TRAF7: variants seen among roughly 807,000 people sequenced by gnomAD.
TRAF7 encodes TNF receptor associated factor 7, also known as E3 ubiquitin-protein ligase TRAF7.
Under a neutral mutation model 89.3 loss-of-function variants are expected in TRAF7, and 45 were observed. The observed-to-expected ratio is 0.50, with a 90% CI of 0.40 to 0.65. The LOEUF (loss-of-function observed/expected upper bound fraction) is 0.65. TRAF7 is among the 30% of genes least tolerant of loss of function. The pLI is 0.00. For synonymous variants in TRAF7, 406 were observed against 369.2 expected (o/e 1.10, Z -1.14); for missense variants, 677 against 918.1 (o/e 0.74, Z 3.39).
At chr16:2,166,743 C>T (rs1440735909) in intron 3 of TRAF7, among the ~76,000 whole-genome samples, 4 of 152,236 alleles carry the variant, frequency 2.6e-5, no homozygotes, top group South Asian at 2.1e-4. Context: ...GCGGGATACA[C>T]GACAGAAACC....
At chr16:2,175,734 G>T in intron 17 of TRAF7, 100 bp from the exon 18 acceptor site, 1 of 1,589,030 alleles carries the variant, frequency 6.3e-7, no homozygotes, top group Non-Finnish European at 8.6e-7. Context: ...TCCCCTGGCT[G>T]GGTGGGTGGG....
chr16:2,169,414 GCCA>G (rs2093099346), intron 4 of TRAF7, among the ~76,000 whole-genome samples: 1 of 152,178 alleles, frequency 6.6e-6, no homozygotes, highest in Non-Finnish European at 1.5e-5. Flanking sequence ...ACAACCCGAA[GCCA>G]CGAGTCCTCC....
chr16:2,164,139 GGTGTGTGTGTGT>G (rs376580813), intron 2 of TRAF7, 138 bp downstream of exon 2: 5 of 544,386 alleles, frequency 9.2e-6, no homozygotes, highest in Admixed American at 6.9e-5. Flanking sequence ...GGGGGGGTGT[GGTGTGTGTGTGT>G]GTGTGTGTGC....
intron 1 of TRAF7, among the ~76,000 whole-genome samples, chr16:2,160,683 AAG>A (rs2093054994): frequency 1.3e-5 from 2 of 151,980 alleles, no homozygotes; most frequent in Admixed American, 1.3e-4. Context: ...CCGGTTTGGG[AAG>A]AGTCTCTCAT....
intron 3 of TRAF7, 134 bp downstream of exon 3, chr16:2,166,070 C>T: frequency 9.1e-7 from 1 of 1,095,608 alleles, no homozygotes; most frequent in Non-Finnish European, 1.3e-6. Flanking sequence ...CAGCCTCACA[C>T]CGCAGCCTGT....
chr16:2,163,798 AG>A lies in TRAF7; in HGVS notation c.-38-83del. 1.1e-6 allele frequency: 1 copy of A among 883,740 alleles called. No homozygotes were observed. The highest frequency in any genetic ancestry group is 1.8e-6 in the Non-Finnish European group (1 of 548,102). 54.7% of individuals were successfully genotyped at this position (883,740 alleles called of 1,614,324 possible). ...CGGCGGCCCCACGGTGCCCCACAGCAGGTCTGCACACTTGCAGCAGCCCGTC... is the reference window on the plus strand; with the variant it reads ...CGGCGGCCCCACGGTGCCCCACAGCAGTCTGCACACTTGCAGCAGCCCGTC... On this transcript the variant is annotated intron_variant, in intron 1 of 20. Transcript: ENST00000326181. This position sits in a 1 kb window ranked among gnomAD's most constrained non-coding sequence, Gnocchi z 4.3.
In TRAF7 at chr16:2,171,281, G is replaced by C; in HGVS notation, c.366G>C (p.Ala122=). The C allele has an allele frequency of 6.4e-7, 1 of 1,551,952 alleles. No homozygotes were observed. Among genetic ancestry groups the C allele is most frequent in the East Asian group, 2.4e-5 (1 of 41,616 alleles). The change falls in exon 6 of 21, where the codon GCG becomes GCC. Residue 122 remains alanine (A), a synonymous_variant. Coordinates refer to ENST00000326181, the MANE Select transcript of TRAF7 (RefSeq NM_032271.3). ...EEEEPEPLVF[A]EQPSVKLCCQ... Reference sequence around the variant, plus strand: ...GGTTCCAGGAGCCACTGGTGTTTGCGGAGCAGCCCTCGGTGAAGCTGTGCT... The same window carrying C: ...GGTTCCAGGAGCCACTGGTGTTTGCCGAGCAGCCCTCGGTGAAGCTGTGCT...
At chr16:2,169,457 T>TC (rs2093099441) in intron 4 of TRAF7, among the ~76,000 whole-genome samples, 2 of 151,952 alleles carry the variant, frequency 1.3e-5, no homozygotes, top group Admixed American at 6.6e-5. Flanking sequence ...TCACCTGCTA[T>TC]CCCCATGGGT....
At chr16:2,168,000 G>T in intron 3 of TRAF7, 77 bp from the exon 4 acceptor site, 2 of 1,388,312 alleles carry the variant, frequency 1.4e-6, no homozygotes, top group Non-Finnish European at 2.0e-6. Context: ...ACAGGGTCGG[G>T]TATCCAGCAT....
intron 12 of TRAF7, 34 bp downstream of exon 12, chr16:2,173,870 C>CCCCCCCCCGG: frequency 6.2e-7 from 1 of 1,606,156 alleles, no homozygotes; most frequent in Non-Finnish European, 8.5e-7. Flanking sequence ...CCCGCCCACC[C>CCCCCCCCCGG]TCCCCCCCGG....
Position 2,173,298 on chromosome 16 carries a change from C to T in TRAF7, c.911C>T (p.Ala304Val). The change falls in exon 10 of 21, where the codon GCT becomes GTT. Residue 304 changes from alanine (A) to valine (V), a missense_variant. By Grantham distance (64) the Ala-to-Val change is moderately conservative. Around this residue, in one of 6 missense-constraint regions of TRAF7, gnomAD observed 238 missense variants for 352.6 expected, o/e 0.67. Transcript: ENST00000326181. Reference sequence around the variant, plus strand: ...GACCGCTTCCACGAGATGCACGTGGCTCTGGCCCAGAAGGACCAGGAGATC... The same window carrying T: ...GACCGCTTCCACGAGATGCACGTGGTTCTGGCCCAGAAGGACCAGGAGATC... ...TDDRFHEMHV[A>V]LAQKDQEIAF... The T allele has an allele frequency of 6.2e-7, 1 of 1,613,626 alleles. No homozygotes were observed. The highest frequency in any genetic ancestry group is 1.1e-5 in the South Asian group (1 of 91,084).
intron 3 of TRAF7, among the ~76,000 whole-genome samples, chr16:2,166,281 T>C (rs978088247): frequency 3.9e-5 from 6 of 152,166 alleles, no homozygotes; most frequent in Non-Finnish European, 7.3e-5. Context: ...AGTCTCAGGC[T>C]CCTGGCCAGC....
At position 2,158,158 on chromosome 16, in the gene TRAF7, C is replaced by G. The variant is rs1328707554; in HGVS notation, c.-39+2300C>G. On this transcript the variant is annotated intron_variant, in intron 1 of 20. Coordinates refer to ENST00000326181, the MANE Select transcript of TRAF7 (RefSeq NM_032271.3). This position sits in a 1 kb window ranked among gnomAD's most constrained non-coding sequence, Gnocchi z 4.7. ...GTCAGGGAGGGCATGTGGGGAGGGC[C>G]GAGAGCTGTTGGCTGCGTGTGTCTC... Among the ~76,000 whole-genome samples, 1 of 152,198 alleles carries G rather than the reference C, an allele frequency of 6.6e-6. No individual in the cohort carries two copies. Among genetic ancestry groups the G allele is most frequent in the South Asian group, 2.1e-4 (1 of 4,814 alleles).
At chr16:2,173,675 G>A in intron 11 of TRAF7, 113 bp from the exon 12 acceptor site, 1 of 1,573,238 alleles carries the variant, frequency 6.4e-7, no homozygotes, top group Non-Finnish European at 8.7e-7. Flanking sequence ...TGTGTGGCAG[G>A]GGCTGCTGTC....
At position 2,172,580 on chromosome 16, in the gene TRAF7, T is replaced by C; in HGVS notation, c.775T>C (p.Cys259Arg). ...CCTCAAGGAGTGCGAGCACATCAAA[T>C]GCCCCCACTCCAAGTACGGGTGAGT... Reference protein sequence around the residue: ...AHLKECEHIKCPHSKYGCTFI... With the variant: ...AHLKECEHIKRPHSKYGCTFI... Residue 259 changes from cysteine (C) to arginine (R), a missense_variant, in exon 9 of 21, where the codon TGC becomes CGC. Physicochemically the swap from Cys to Arg is radical, Grantham distance 180 (BLOSUM62 -3). Transcript: ENST00000326181. 1 of 1,274,406 alleles carries C rather than the reference T, an allele frequency of 7.8e-7. No homozygotes were observed. Among genetic ancestry groups the C allele is most frequent in the Non-Finnish European group, 1.1e-6 (1 of 950,356 alleles). The allele number at this position is 1,274,406 out of a possible 1,614,324, so 78.9% of individuals were successfully genotyped here. A position where few individuals can be genotyped will look rare whatever the true frequency, so the allele number is the denominator to read the frequency against.
chr16:2,165,793 C>G, intron 2 of TRAF7, 86 bp from the exon 3 acceptor site: 1 of 1,515,784 alleles, frequency 6.6e-7, no homozygotes, highest in Non-Finnish European at 9.1e-7. Flanking sequence ...GGCCTGGTCG[C>G]GTGTTAGGCA....
intron 1 of TRAF7, among the ~76,000 whole-genome samples, chr16:2,160,085 G>C (rs942308974): frequency 1.3e-5 from 2 of 152,178 alleles, no homozygotes; most frequent in Non-Finnish European, 2.9e-5. Flanking sequence ...TGGAGGCAGC[G>C]AGGCGCTGAG....
rs368690290 is a variant in TRAF7, at chr16:2,162,418, C to A, written c.-38-1465C>A. Among the ~76,000 whole-genome samples, 1 of 152,206 alleles carries A rather than the reference C, an allele frequency of 6.6e-6. No homozygotes were observed. Among genetic ancestry groups the A allele is most frequent in the East Asian group, 1.9e-4 (1 of 5,184 alleles). ...TGGCATCTTGAAGGCGCATGCAGGG[C>A]GGGCATGGCCAAAGGGACCCAGTCA... On this transcript the variant is annotated intron_variant, in intron 1 of 20. Transcript: ENST00000326181. This position sits in a 1 kb window ranked among gnomAD's most constrained non-coding sequence, Gnocchi z 5.0.
chr16:2,166,720 A>T (rs2093087752), intron 3 of TRAF7, among the ~76,000 whole-genome samples: 1 of 152,236 alleles, frequency 6.6e-6, no homozygotes, highest in African/African-American at 2.4e-5. Flanking sequence ...CTTCACCTGC[A>T]CAAGACCACT....
Sources: gnomAD v4.1 joint callset for allele counts (sites outside exome capture counted in the v4.1 genomes callset) on GRCh38, gnomAD v4.1.1 for gene constraint, gnomAD v4.1.1 regional missense constraint, Gnocchi (gnomAD v3.1) non-coding constraint, MANE v1.5 for transcripts, NCBI Gene and HGNC (gene_info 2026-07-23, HGNC 2026-07-21) for gene names.